ERAP2: variants seen among roughly 807,000 people sequenced by gnomAD.
ERAP2 encodes leukocyte-derived arginine aminopeptidase.
In ERAP2, 118 loss-of-function variants were observed where a neutral mutation model predicts 111.1. That is an observed-to-expected ratio of 1.06 (90% confidence interval 0.92 to 1.24). ERAP2 has a LOEUF of 1.24. Among genes scored for constraint, ERAP2 ranks in the 50% most tolerant of loss-of-function variants. The pLI is 0.00. For missense variants in ERAP2, 1,131 were observed against 1,125.8 expected (o/e 1.00, Z -0.07); for synonymous variants, 410 against 401.2 (o/e 1.02, Z -0.26).
Position 96,918,748 on chromosome 5 carries a change from T to C in ERAP2, c.*1143T>C, listed in dbSNP as rs1297275152. 4 of 152,250 alleles carry C rather than the reference T, an allele frequency of 2.6e-5. No homozygotes were observed. The highest frequency in any genetic ancestry group is 4.4e-5 in the Non-Finnish European group (3 of 68,034). The allele number at this position is 152,250 out of a possible 1,614,324, so 9.4% of individuals were successfully genotyped here. On this transcript the variant is annotated 3_prime_UTR_variant, in exon 19 of 19. Transcript: ENST00000437043. ...TATAATTCATACACTATTGCATTTT[T>C]AATAAATCTTTTGAAATTTGCAGAA...
chr5:96,914,756 A>C (rs1226315575), intron 17 of ERAP2, among the ~76,000 whole-genome samples: 2 of 152,198 alleles, frequency 1.3e-5, no homozygotes, highest in Non-Finnish European at 2.9e-5. Context: ...CGTGAATGAG[A>C]GTTCAACCAA....
At chr5:96,909,889 A>G (rs1040195233) in intron 15 of ERAP2, 125 bp downstream of exon 15, 25 of 930,924 alleles carry the variant, frequency 2.7e-5, no homozygotes, top group Non-Finnish European at 3.5e-5. Flanking sequence ...TGGGCATTAC[A>G]AACCCTGTTT....
Position 96,880,026 on chromosome 5 carries a change from A to G in ERAP2, c.341A>G (p.Asp114Gly), listed in dbSNP as rs1782972969. The G allele has an allele frequency of 1.9e-6, 3 of 1,614,192 alleles. No homozygotes were observed. Among genetic ancestry groups the G allele is most frequent in the African/African-American group, 2.7e-5 (2 of 75,066 alleles). Residue 114 changes from aspartate to glycine, a missense_variant, in exon 2 of 19, where the codon GAT (aspartate) becomes GGT (glycine). Asp to Gly is a moderately conservative substitution (Grantham distance 94). This residue lies in a region of ERAP2 where 847 missense variants were observed against 856.5 expected (regional missense o/e 0.99). Transcript: ENST00000437043. ...ATQFIILHSK[D>G]LEITNATLQS... ...CAGTTTATCATCTTGCACAGCAAAG[A>G]TCTTGAAATCACGAATGCCACCCTT...
chr5:96,889,426 A>C, intron 5 of ERAP2, 121 bp downstream of exon 5: 2 of 1,137,312 alleles, frequency 1.8e-6, no homozygotes, highest in Non-Finnish European at 2.7e-6. Context: ...AGCTCAGGAA[A>C]AAATAATTTG....
At chr5:96,914,550 C>A (rs1787169440) in intron 17 of ERAP2, among the ~76,000 whole-genome samples, 1 of 152,196 alleles carries the variant, frequency 6.6e-6, no homozygotes. Flanking sequence ...AAATGATCAG[C>A]CTTAATCTAC....
chr5:96,915,906 G>C, intron 18 of ERAP2, 137 bp downstream of exon 18: 1 of 619,884 alleles, frequency 1.6e-6, no homozygotes, highest in Non-Finnish European at 2.7e-6. Context: ...CATATAGCAA[G>C]TAAATGGAAG....
chr5:96,896,965 T>TAAGTCATATGTTGGGTAACGCTAGACTG, intron 9 of ERAP2, 102 bp downstream of exon 9: 1 of 987,684 alleles, frequency 1.0e-6, no homozygotes, highest in Non-Finnish European at 1.4e-6. Flanking sequence ...GTCAACCATA[T>TAAGTCATATGTTGGGTAACGCTAGACTG]TTATTCTGCT....
intron 1 of ERAP2, among the ~76,000 whole-genome samples, chr5:96,877,853 G>A (rs1372527267): frequency 9.3e-6 from 1 of 107,084 alleles, no homozygotes; most frequent in Non-Finnish European, 2.0e-5. Flanking sequence ...AGAGGGAGAA[G>A]TATCTTTAAT....
In ERAP2 at chr5:96,883,827, C is replaced by G. The variant is rs1443128209; in HGVS notation, c.611C>G (p.Ala204Gly). Residue 204 changes from alanine to glycine, a missense_variant, in exon 3 of 19, where the codon GCA becomes GGA. Coordinates refer to ENST00000437043, the MANE Select transcript of ERAP2 (RefSeq NM_022350.5). ...LAVTDFEPTQ[A>G]RMAFPCFDEP... ...GTAACAGATTTTGAGCCAACCCAGGCACGCATGGCTTTCCCTTGCTTTGAT... is the reference window on the plus strand; with the variant it reads ...GTAACAGATTTTGAGCCAACCCAGGGACGCATGGCTTTCCCTTGCTTTGAT... 6.2e-7 allele frequency: 1 copy of G among 1,613,090 alleles called. No individual in the cohort carries two copies. The highest frequency in any genetic ancestry group is 1.3e-5 in the African/African-American group (1 of 74,844).
At chr5:96,899,511 C>T (rs1364841804) in intron 9 of ERAP2, among the ~76,000 whole-genome samples, 1 of 152,178 alleles carries the variant, frequency 6.6e-6, no homozygotes, top group African/African-American at 2.4e-5. Flanking sequence ...AGCCTTAGCA[C>T]ATTCTTCATT....
intron 5 of ERAP2, 123 bp from the exon 6 acceptor site, chr5:96,892,176 T>G (rs1355927493): frequency 9.7e-6 from 9 of 923,754 alleles, no homozygotes; most frequent in Non-Finnish European, 1.3e-5. Flanking sequence ...TAAGATATTC[T>G]TGATGTTTTC....
intron 13 of ERAP2, among the ~76,000 whole-genome samples, chr5:96,904,815 T>C (rs1170648927): frequency 6.6e-6 from 1 of 152,216 alleles, no homozygotes; most frequent in Non-Finnish European, 1.5e-5. Context: ...CTAAATTTAG[T>C]AGGAGGAAAT....
chr5:96,900,479 C>CT (rs368462729), intron 10 of ERAP2, among the ~76,000 whole-genome samples: 181 of 152,194 alleles, frequency 1.2e-3, no homozygotes, highest in African/African-American at 4.2e-3. Context: ...GCATTGGCAT[C>CT]CCTTAAGCTC....
In ERAP2 at chr5:96,902,339, T is replaced by TA. The variant is rs1431833580; in HGVS notation, c.1818dup (p.Ser607IlefsTer10). On this transcript the variant is annotated frameshift_variant, in exon 12 of 19. Coordinates refer to ENST00000437043, the MANE Select transcript of ERAP2 (RefSeq NM_022350.5). LOFTEE classifies it high-confidence loss of function. ...TCTAATGTGATCCACAGACACATTC[T>TA]AAAATCAAAGACAGGTAATGAACTA... 9.3e-6 allele frequency: 15 copies of TA among 1,609,452 alleles called. No homozygotes were observed. The highest frequency in any genetic ancestry group is 1.7e-4 in the Middle Eastern group (1 of 6,044).
intron 2 of ERAP2, among the ~76,000 whole-genome samples, 168 bp downstream of exon 2, chr5:96,880,428 A>G (rs143822393): frequency 1.8e-4 from 28 of 152,346 alleles, no homozygotes; most frequent in Non-Finnish European, 3.2e-4. Flanking sequence ...CACAGTAGAG[A>G]TGTAAAGACA....
Position 96,892,428 on chromosome 5 carries a change from T to A in ERAP2, c.1100T>A (p.Val367Asp). The A allele has an allele frequency of 6.2e-7, 1 of 1,613,902 alleles. No homozygotes were observed. Residue 367 changes from valine to aspartate, a missense_variant, in exon 6 of 19, where the codon GTC becomes GAC. Around this residue, in one of 3 missense-constraint regions of ERAP2, gnomAD observed 847 missense variants for 856.5 expected, o/e 0.99. Transcript: ENST00000437043. The part of the protein sequence containing the change: ...SASDKLWVTR[V>D]IAHELAHQWF... ...TCCGATAAACTGTGGGTCACCAGAG[T>A]CATAGCCCATGAACTGGCGCACCAG...
At chr5:96,883,583 C>T (rs1783392863) in intron 2 of ERAP2, among the ~76,000 whole-genome samples, 1 of 152,066 alleles carries the variant, frequency 6.6e-6, no homozygotes, top group South Asian at 2.1e-4. Flanking sequence ...TTAGCATTCC[C>T]AAAACAGGGC....
chr5:96,882,866 T>C (rs995461881), intron 2 of ERAP2, among the ~76,000 whole-genome samples: 10 of 152,140 alleles, frequency 6.6e-5, no homozygotes, highest in Admixed American at 4.6e-4. Flanking sequence ...CTGACCTCTC[T>C]CTCCCTCTTA....
rs770301859 is a variant in ERAP2, at chr5:96,912,651, T to G, written c.2369T>G (p.Val790Gly). 3.7e-6 allele frequency: 6 copies of G among 1,609,134 alleles called. No homozygotes were observed. Among genetic ancestry groups the G allele is most frequent in the Non-Finnish European group, 3.4e-6 (4 of 1,178,648 alleles). Residue 790 changes from valine (V) to glycine (G), a missense_variant, in exon 16 of 19, where the codon GTT becomes GGT. This residue lies in a region of ERAP2 where 279 missense variants were observed against 250.9 expected (regional missense o/e 1.11). Coordinates refer to ENST00000437043, the MANE Select transcript of ERAP2 (RefSeq NM_022350.5). Reference protein sequence around the residue: ...SSGKLNIPTDVLKIVYSVGAQ... With the variant: ...SSGKLNIPTDGLKIVYSVGAQ... ...TGATATTACAGTATACCAACAGATG[T>G]TTTAAAGATTGTGTATTCTGTGGGT...
Sources: gnomAD v4.1 joint callset for allele counts (sites outside exome capture counted in the v4.1 genomes callset) on GRCh38, gnomAD v4.1.1 for gene constraint, gnomAD v4.1.1 regional missense constraint, MANE v1.5 for transcripts, NCBI Gene and HGNC (gene_info 2026-07-23, HGNC 2026-07-21) for gene names.